The following SLC24A3 variants were observed in gnomAD, a reference collection of about 807,000 sequenced individuals.
SLC24A3 encodes sodium/potassium/calcium exchanger 3.
SLC24A3 carries 28 observed loss-of-function variants against 75.8 expected under a neutral mutation model. The observed-to-expected ratio is 0.37, with a 90% CI of 0.27 to 0.51. The LOEUF is 0.51. Among genes scored for constraint, SLC24A3 ranks in the 20% least tolerant of loss-of-function variants. SLC24A3 has a pLI of 0.94. For synonymous variants in SLC24A3, 372 were observed against 334.1 expected (o/e 1.11, Z -1.24); for missense variants, 663 against 847.8 (o/e 0.78, Z 2.71).
chr20:19,711,603 AAC>A lies in SLC24A3; in HGVS notation c.1720-5916_1720-5915del, dbSNP rs1476606149. Among the ~76,000 whole-genome samples the A allele has an allele frequency of 3.9e-5, 6 of 152,004 alleles. No homozygotes were observed. In the East Asian group the frequency reaches 1.2e-3, roughly 29 times the overall value. ...GCTCACATGCAAACACATGCACACA[AAC>A]ACACACACCCATGCTCAGAATCACC... On this transcript the variant is annotated intron_variant, in intron 15 of 16. Coordinates refer to ENST00000328041, the MANE Select transcript of SLC24A3 (RefSeq NM_020689.4).
intron 2 of SLC24A3, among the ~76,000 whole-genome samples, chr20:19,365,533 A>G (rs778010956): frequency 6.6e-6 from 1 of 152,190 alleles, no homozygotes; most frequent in Non-Finnish European, 1.5e-5. Context: ...TGAGGCAGTG[A>G]TCTGGCTGAT....
chr20:19,238,743 G>A (rs917562051), intron 1 of SLC24A3, among the ~76,000 whole-genome samples: 2 of 152,178 alleles, frequency 1.3e-5, no homozygotes, highest in African/African-American at 4.8e-5. Flanking sequence ...CTGGTCTGGT[G>A]TTGGGTCTCT....
chr20:19,666,003 AT>A, intron 8 of SLC24A3, 114 bp downstream of exon 8: 1 of 1,195,164 alleles, frequency 8.4e-7, no homozygotes, highest in Non-Finnish European at 1.2e-6. Context: ...ACAGCTTAGA[AT>A]GAGGAGAATT....
chr20:19,654,103 T>C lies in SLC24A3; in HGVS notation c.654T>C (p.Ile218=), dbSNP rs3790279. The change falls in exon 7 of 17, where the codon ATT becomes ATC. Residue 218 remains isoleucine, a synonymous_variant. Coordinates refer to ENST00000328041, the MANE Select transcript of SLC24A3 (RefSeq NM_020689.4). ...LSSWCLLRDS[I]YYTLSVIALI... ...CCTGGTGCCTGCTGAGGGATTCTAT[T>C]TACTACACGCTGTCTGTGATCGCGC... 1,000,701 of 1,608,674 alleles carry C rather than the reference T, an allele frequency of 0.62. 317,053 individuals carry two copies. The highest frequency in any genetic ancestry group is 0.72 in the African/African-American group (54,122 of 74,768).
intron 2 of SLC24A3, among the ~76,000 whole-genome samples, chr20:19,407,823 G>T (rs971805528): frequency 1.3e-5 from 2 of 152,174 alleles, no homozygotes; most frequent in Non-Finnish European, 2.9e-5. Context: ...CCATGAAACC[G>T]CCACAGAAGA....
chr20:19,421,665 C>T (rs150892963), intron 2 of SLC24A3, among the ~76,000 whole-genome samples: 3 of 151,986 alleles, frequency 2.0e-5, no homozygotes, highest in Non-Finnish European at 2.9e-5. Flanking sequence ...GGCTTGCAGA[C>T]GATTTGAAGA....
intron 6 of SLC24A3, among the ~76,000 whole-genome samples, chr20:19,590,951 C>T (rs759816184): frequency 6.6e-6 from 1 of 152,194 alleles, no homozygotes; most frequent in Non-Finnish European, 1.5e-5. Flanking sequence ...GACAGTCCTG[C>T]TGAGGCCCCA....
At chr20:19,488,427 G>T (rs909482279) in intron 2 of SLC24A3, among the ~76,000 whole-genome samples, 2 of 152,208 alleles carry the variant, frequency 1.3e-5, no homozygotes, top group Non-Finnish European at 2.9e-5. Flanking sequence ...AGAGCCTCAT[G>T]TGTGAGGTTC....
intron 6 of SLC24A3, among the ~76,000 whole-genome samples, chr20:19,592,221 G>A (rs1466766557): frequency 6.6e-6 from 1 of 152,138 alleles, no homozygotes; most frequent in Non-Finnish European, 1.5e-5. Context: ...CATAATGTTG[G>A]GCATTTTTTA....
At chr20:19,428,022 T>G (rs1010165965) in intron 2 of SLC24A3, among the ~76,000 whole-genome samples, 1 of 152,228 alleles carries the variant, frequency 6.6e-6, no homozygotes, top group South Asian at 2.1e-4. Context: ...GCTCCTCATA[T>G]TTGAATTACT....
intron 3 of SLC24A3, among the ~76,000 whole-genome samples, chr20:19,533,422 G>A (rs1293732930): frequency 1.3e-5 from 2 of 152,178 alleles, no homozygotes; most frequent in South Asian, 2.1e-4. Flanking sequence ...GAGTTGCAAG[G>A]TCACACTGCA....
At chr20:19,233,050 A>G (rs1982066357) in intron 1 of SLC24A3, among the ~76,000 whole-genome samples, 1 of 152,232 alleles carries the variant, frequency 6.6e-6, no homozygotes, top group Non-Finnish European at 1.5e-5. Context: ...TACTTTTTAA[A>G]CAGATATCTT....
At chr20:19,484,218 A>G (rs1028105486) in intron 2 of SLC24A3, among the ~76,000 whole-genome samples, 3 of 152,206 alleles carry the variant, frequency 2.0e-5, no homozygotes, top group Non-Finnish European at 2.9e-5. Flanking sequence ...ATAATGAGGT[A>G]TCTTGGAGAT....
At chr20:19,381,812 C>T (rs1197683019) in intron 2 of SLC24A3, among the ~76,000 whole-genome samples, 5 of 152,116 alleles carry the variant, frequency 3.3e-5, no homozygotes, top group African/African-American at 4.8e-5. Flanking sequence ...GTAGTATTAT[C>T]GTATGTCTCT....
chr20:19,526,126 CAT>C (rs1375496743), intron 3 of SLC24A3, among the ~76,000 whole-genome samples: 11 of 152,204 alleles, frequency 7.2e-5, no homozygotes, highest in Non-Finnish European at 1.5e-4. Flanking sequence ...ATTCAGCTCA[CAT>C]GTTTCCCTTC....
intron 2 of SLC24A3, among the ~76,000 whole-genome samples, chr20:19,339,601 G>A (rs1363528318): frequency 6.6e-6 from 1 of 152,118 alleles, no homozygotes; most frequent in Non-Finnish European, 1.5e-5. Flanking sequence ...CCTCCCACAT[G>A]GTGTTTTAGA....
At chr20:19,638,939 G>A (rs1436124480) in intron 6 of SLC24A3, among the ~76,000 whole-genome samples, 1 of 152,160 alleles carries the variant, frequency 6.6e-6, no homozygotes, top group Non-Finnish European at 1.5e-5. Context: ...TGGACCCAAA[G>A]AGTGAGCAGT....
chr20:19,417,352 A>C (rs973478620), intron 2 of SLC24A3, among the ~76,000 whole-genome samples: 7 of 152,224 alleles, frequency 4.6e-5, no homozygotes, highest in Non-Finnish European at 7.3e-5. Context: ...CACGGAAATG[A>C]TAATAACATA....
intron 3 of SLC24A3, among the ~76,000 whole-genome samples, chr20:19,532,745 C>A (rs2030325553): frequency 1.3e-5 from 2 of 152,200 alleles, no homozygotes; most frequent in Non-Finnish European, 1.5e-5. Context: ...ACCCTGGCAA[C>A]CCTCAGAGCT....
Sources: gnomAD v4.1 joint callset for allele counts (sites outside exome capture counted in the v4.1 genomes callset) on GRCh38, gnomAD v4.1.1 for gene constraint, MANE v1.5 for transcripts, NCBI Gene and HGNC (gene_info 2026-07-23, HGNC 2026-07-21) for gene names.